The following TOP1MT variants were observed in gnomAD, a reference collection of about 807,000 sequenced individuals.
TOP1MT encodes the protein DNA topoisomerase I, mitochondrial.
In TOP1MT, 80 loss-of-function variants were observed where a neutral mutation model predicts 73.9. The observed-to-expected ratio is 1.08, with a 90% CI of 0.90 to 1.30. TOP1MT has a LOEUF of 1.30. Among genes scored for constraint, TOP1MT ranks in the 50% most tolerant of loss-of-function variants. The probability of loss-of-function intolerance (pLI) is 0.00; values close to 1 mark genes in which losing one functional copy is unlikely to be tolerated. For missense variants in TOP1MT, 815 were observed against 808.0 expected (o/e 1.01, Z -0.10); for synonymous variants, 338 against 326.4 (o/e 1.04, Z -0.38).
At chr8:143,333,531 C>T (rs1248781201) in intron 1 of TOP1MT, among the ~76,000 whole-genome samples, 1 of 152,226 alleles carries the variant, frequency 6.6e-6, no homozygotes, top group Non-Finnish European at 1.5e-5. Context: ...AGGGTAGTCA[C>T]ATCACCAGTC....
Position 143,317,987 on chromosome 8 carries a change from C to T in TOP1MT, c.1215+31G>A, listed in dbSNP as rs191371083. ...GCCCTCTCACTGGGTCCTGCCGCCG[C>T]CCACTGCTGAGGAAACACGAGCCGG... On this transcript the variant is annotated intron_variant, in intron 9 of 13. Transcript: ENST00000329245. 9 of 1,613,242 alleles carry T rather than the reference C, an allele frequency of 5.6e-6. No individual in the cohort carries two copies. The African/African-American group carries it at 9.3e-5, about 17-fold the overall frequency.
chr8:143,327,794 CACAGGGG>C lies in TOP1MT; in HGVS notation c.361-1457_361-1451del, dbSNP rs555336581. The C allele has an allele frequency of 8.0e-4, 345 of 432,250 alleles. 2 individuals carry two copies. The highest frequency in any genetic ancestry group is 6.4e-3 in the Middle Eastern group (19 of 2,978). The allele number at this position is 432,250 out of a possible 1,614,324, so 26.8% of individuals were successfully genotyped here. Reference sequence around the variant, plus strand: ...GAAGAGGGTCCAGAAGCGGAGCCTGCACAGGGGACAAGGAAGCACAGGCTCCAGCAGC... The same window carrying C: ...GAAGAGGGTCCAGAAGCGGAGCCTGCACAAGGAAGCACAGGCTCCAGCAGC... On this transcript the variant is annotated intron_variant, in intron 3 of 13. Coordinates refer to ENST00000329245, the MANE Select transcript of TOP1MT (RefSeq NM_052963.3).
intron 10 of TOP1MT, among the ~76,000 whole-genome samples, 199 bp from the exon 11 acceptor site, chr8:143,316,325 GCAA>G (rs1373022418): frequency 6.6e-6 from 1 of 152,198 alleles, no homozygotes; most frequent in Non-Finnish European, 1.5e-5. Context: ...TTTAACCACA[GCAA>G]CAAGGCTTCA....
rs199514577 is a variant in TOP1MT at position 143,317,772 on chromosome 8, G to C, written c.1281C>G (p.Thr427=). 222 of 1,614,058 alleles carry C rather than the reference G, an allele frequency of 1.4e-4. 1 individual carries two copies. In the Middle Eastern group the frequency reaches 1.5e-3, roughly 11 times the overall value. ...CCTGCAGAGTGATGGAGGCGTTGTA[G>C]GTCCGGAACACCTTGGCCGTCAGCC... ...MDGLTAKVFR[T]YNASITLQEQ... is the part of the protein sequence containing the mutation. The change falls in exon 10 of 14, where the codon ACC becomes ACG. Residue 427 remains threonine (T), a synonymous_variant. Transcript: ENST00000329245.
intron 12 of TOP1MT, among the ~76,000 whole-genome samples, chr8:143,310,677 C>T (rs985726807): frequency 2.0e-5 from 3 of 152,266 alleles, no homozygotes; most frequent in Non-Finnish European, 4.4e-5. Context: ...ATCACCCACA[C>T]ATGCAACCTC....
At chr8:143,334,936 G>GCCCCGCCCCCGAGCGCGGC, upstream of TOP1MT, 2 of 1,239,246 alleles carry the variant, frequency 1.6e-6, no homozygotes, top group Non-Finnish European at 2.0e-6. Flanking sequence ...CCAGCGGCCA[G>GCCCCGCCCCCGAGCGCGGC]CCCCGCCCCC....
chr8:143,328,107 G>A (rs1030968629), intron 3 of TOP1MT: 11 of 396,342 alleles, frequency 2.8e-5, no homozygotes, highest in Admixed American at 6.5e-5. Flanking sequence ...TTAAGAGAAC[G>A]CAAATAGAAA....
upstream of TOP1MT, among the ~76,000 whole-genome samples, chr8:143,347,688 GCAGCCAGCCAGC>G (rs36222627): frequency 6.6e-3 from 997 of 150,058 alleles, 6 homozygotes; most frequent in Admixed American, 0.011. Flanking sequence ...CAGCAGGCAG[GCAGCCAGCCAGC>G]CAGCCAGCCA....
chr8:143,335,564 C>T (rs1487304439), upstream of TOP1MT, among the ~76,000 whole-genome samples: 1 of 152,226 alleles, frequency 6.6e-6, no homozygotes, highest in Non-Finnish European at 1.5e-5. Context: ...CCAGTGTCTT[C>T]ACTGGGGAGC....
chr8:143,346,950 C>CTTCT (rs756881820), upstream of TOP1MT, among the ~76,000 whole-genome samples: 1,287 of 138,272 alleles, frequency 9.3e-3, 10 homozygotes, highest in Non-Finnish European at 0.014. Flanking sequence ...AAAAGCCTCA[C>CTTCT]TTCTTTATTT....
Position 143,341,089 on chromosome 8 carries a change from C to T in TOP1MT, c.29+2131G>A, listed in dbSNP as rs952628793. ...TCCCACGGCGGCCCCTGCACTCTTC[C>T]GCTCCCCACAGCTGAGGGTCTCAGG... On this transcript the variant is annotated intron_variant, in intron 2 of 5. Coordinates refer to the TOP1MT transcript ENST00000518007. This position sits in a 1 kb window ranked among gnomAD's most constrained non-coding sequence, Gnocchi z 4.1. 1.3e-5 allele frequency among the ~76,000 whole-genome samples: 2 copies of T among 152,206 alleles called. No homozygotes were observed. Among genetic ancestry groups the T allele is most frequent in the Admixed American group, 6.5e-5 (1 of 15,292 alleles).
intron 3 of TOP1MT, among the ~76,000 whole-genome samples, chr8:143,326,936 G>T (rs1816724081): frequency 6.6e-6 from 1 of 152,212 alleles, no homozygotes; most frequent in Non-Finnish European, 1.5e-5. Flanking sequence ...CCCAGTCCCT[G>T]CTTCTGAGAG....
In TOP1MT at chr8:143,324,072, T is replaced by C. The variant is rs1253703901; in HGVS notation, c.887A>G (p.Gln296Arg). 1.2e-6 allele frequency: 2 copies of C among 1,613,792 alleles called. No individual in the cohort carries two copies. The highest frequency in any genetic ancestry group is 1.3e-5 in the African/African-American group (1 of 74,944). ...LRGFVDEIRS[Q>R]YRADWKSREM... ...CCGAGACTTCCAGTCAGCCCGGTACTGGGAGCGGATCTCGTCCACAAATCC... is the reference window on the plus strand; with the variant it reads ...CCGAGACTTCCAGTCAGCCCGGTACCGGGAGCGGATCTCGTCCACAAATCC... Residue 296 changes from glutamine to arginine, a missense_variant, in exon 7 of 14, where the codon CAG becomes CGG. Gln to Arg is a conservative substitution (Grantham distance 43). Transcript: ENST00000329245.
intron 1 of TOP1MT, among the ~76,000 whole-genome samples, chr8:143,351,579 CAAA>C (rs35498119): frequency 1.1e-5 from 1 of 91,510 alleles, no homozygotes; most frequent in African/African-American, 4.2e-5. Flanking sequence ...GACCCAGTCT[CAAA>C]AAAAAAAAAA....
At chr8:143,352,807 T>C (rs2130467616) in intron 1 of TOP1MT, among the ~76,000 whole-genome samples, 1 of 152,280 alleles carries the variant, frequency 6.6e-6, no homozygotes, top group South Asian at 2.1e-4. Flanking sequence ...AAATTTTTCG[T>C]CAAGTCACAG....
At chr8:143,345,844 G>A (rs751226877), upstream of TOP1MT, among the ~76,000 whole-genome samples, 3 of 152,146 alleles carry the variant, frequency 2.0e-5, no homozygotes, top group African/African-American at 4.8e-5. Context: ...CAAACAAACC[G>A]TTATCTAACA....
chr8:143,333,044 A>C (rs1816902475), intron 1 of TOP1MT, among the ~76,000 whole-genome samples: 2 of 152,214 alleles, frequency 1.3e-5, no homozygotes. Context: ...AGGAGGCTGC[A>C]CCACTAAGTG....
chr8:143,339,906 C>T (rs1306170582), intron 2 of TOP1MT, among the ~76,000 whole-genome samples: 6 of 106,022 alleles, frequency 5.7e-5, no homozygotes, highest in African/African-American at 1.3e-4. Context: ...GCATTCCCCC[C>T]GTCCCAGCAC....
intron 1 of TOP1MT, chr8:143,334,361 C>T (rs2130357795): frequency 5.8e-6 from 1 of 172,600 alleles, no homozygotes; most frequent in Admixed American, 6.2e-5. Context: ...GAACCGACTC[C>T]AGGAAAGAGC....
Sources: allele counts gnomAD v4.1 joint callset (sites outside exome capture counted in the v4.1 genomes callset), GRCh38; gene constraint gnomAD v4.1.1; non-coding constraint Gnocchi (gnomAD v3.1); transcripts MANE v1.5; gene names NCBI Gene and HGNC (gene_info 2026-07-23, HGNC 2026-07-21).